Variants in LOXHD1 observed in about 807,000 individuals in gnomAD.
The protein encoded by LOXHD1 is lipoxygenase homology PLAT domains 1, also known as lipoxygenase homology domain-containing protein 1.
Under a neutral mutation model 248.2 loss-of-function variants are expected in LOXHD1, and 205 were observed. The observed-to-expected ratio is 0.83, with a 90% CI of 0.74 to 0.93. LOXHD1 has a LOEUF of 0.93. Among genes scored for constraint, LOXHD1 ranks in the 40% least tolerant of loss-of-function variants. The probability of loss-of-function intolerance (pLI) is 0.00; values close to 1 mark genes in which losing one functional copy is unlikely to be tolerated. For missense variants in LOXHD1, 2,930 were observed against 2,971.6 expected, an observed-to-expected ratio of 0.99 and a Z score of 0.33; for synonymous variants, 1,113 against 1,162.8, an observed-to-expected ratio of 0.96 and a Z score of 0.87.
At chr18:46,596,165 T>TTTTTTTTTTTTTTTGAG (rs2038253723) in intron 8 of LOXHD1, among the ~76,000 whole-genome samples, 1 of 152,034 alleles carries the variant, frequency 6.6e-6, no homozygotes, top group Non-Finnish European at 1.5e-5. Context: ...TCATTATCTT[T>TTTTTTTTTTTTTTTGAG]AAAAATAATT....
chr18:46,494,129 A>G (rs1374462971), intron 37 of LOXHD1, among the ~76,000 whole-genome samples: 1 of 152,114 alleles, frequency 6.6e-6, no homozygotes, highest in Non-Finnish European at 1.5e-5. Flanking sequence ...CTTGGCCATG[A>G]GCACAGACAT....
At chr18:46,575,749 T>G (rs2037841311) in intron 14 of LOXHD1, among the ~76,000 whole-genome samples, 1 of 152,150 alleles carries the variant, frequency 6.6e-6, no homozygotes, top group South Asian at 2.1e-4. Context: ...TTCTGTCATT[T>G]AAGCCACCCA....
intron 8 of LOXHD1, among the ~76,000 whole-genome samples, chr18:46,594,943 T>G (rs1276976898): frequency 6.6e-6 from 1 of 152,304 alleles, no homozygotes; most frequent in East Asian, 1.9e-4. Flanking sequence ...CTCTACCCAG[T>G]TCTGAACCCA....
intron 33 of LOXHD1, chr18:46,520,559 C>T (rs748076390): frequency 2.0e-4 from 61 of 311,800 alleles, no homozygotes; most frequent in Non-Finnish European, 3.1e-4. Flanking sequence ...GAGATGGAGC[C>T]AGGACCGAAG....
chr18:46,591,354 G>A lies in LOXHD1; in HGVS notation c.1654+579C>T, dbSNP rs562249054. On this transcript the variant is annotated intron_variant, in intron 12 of 40. Coordinates refer to ENST00000642948, the MANE Select transcript of LOXHD1 (RefSeq NM_001384474.1). ...TGGGAGAGAATGTTTTGATCACTTAGTAATGTCTGCCATGTGAAAAGGACA... is the reference window on the plus strand; with the variant it reads ...TGGGAGAGAATGTTTTGATCACTTAATAATGTCTGCCATGTGAAAAGGACA... Among the ~76,000 whole-genome samples, 4 of 152,282 alleles carry A rather than the reference G, an allele frequency of 2.6e-5. No homozygotes were observed. The East Asian group carries it at 7.7e-4, about 29-fold the overall frequency.
chr18:46,493,116 G>T (rs1410707884), intron 37 of LOXHD1, among the ~76,000 whole-genome samples: 1 of 152,156 alleles, frequency 6.6e-6, no homozygotes, highest in African/African-American at 2.4e-5. Context: ...CACTTACTCT[G>T]TTCCAACTAC....
chr18:46,542,459 T>G (rs1458018377), intron 24 of LOXHD1, among the ~76,000 whole-genome samples: 1 of 152,190 alleles, frequency 6.6e-6, no homozygotes, highest in Non-Finnish European at 1.5e-5. Context: ...TTTTCATATC[T>G]GGCTGTGCAT....
intron 4 of LOXHD1, among the ~76,000 whole-genome samples, chr18:46,631,412 G>T (rs763189513): frequency 2.0e-5 from 3 of 152,168 alleles, no homozygotes; most frequent in African/African-American, 7.2e-5. Context: ...CTCCCTGCCC[G>T]TGAGATTCCT....
intron 4 of LOXHD1, among the ~76,000 whole-genome samples, chr18:46,636,271 C>A (rs1231021130): frequency 1.3e-5 from 2 of 152,160 alleles, no homozygotes; most frequent in Non-Finnish European, 2.9e-5. Context: ...TAAAGAAGAG[C>A]CTAGAGACGA....
chr18:46,622,940 A>G (rs1054466365), intron 4 of LOXHD1, among the ~76,000 whole-genome samples: 3 of 152,228 alleles, frequency 2.0e-5, no homozygotes, highest in African/African-American at 7.2e-5. Flanking sequence ...AAGTTGGAAG[A>G]GAGGCTAGCA....
chr18:46,519,857 G>A (rs1298982847), intron 33 of LOXHD1, among the ~76,000 whole-genome samples: 1 of 152,182 alleles, frequency 6.6e-6, no homozygotes, highest in East Asian at 1.9e-4. Flanking sequence ...GGTGTCCTGG[G>A]GAGATGGCCA....
intron 23 of LOXHD1, chr18:46,544,836 C>T (rs1056888221): frequency 4.2e-6 from 2 of 471,550 alleles, no homozygotes; most frequent in Admixed American, 2.3e-5. Context: ...GCACTAGGCT[C>T]TGGACCTGCA....
At chr18:46,621,118 G>T (rs571386603) in intron 4 of LOXHD1, among the ~76,000 whole-genome samples, 1 of 152,302 alleles carries the variant, frequency 6.6e-6, no homozygotes, top group South Asian at 2.1e-4. Context: ...TCTAGAACAA[G>T]CAGACTGTCT....
At chr18:46,602,960 T>G (rs1387962745) in intron 7 of LOXHD1, among the ~76,000 whole-genome samples, 1 of 152,176 alleles carries the variant, frequency 6.6e-6, no homozygotes, top group Non-Finnish European at 1.5e-5. Context: ...ATTAATTCTA[T>G]TCGAGTATGT....
chr18:46,649,705 C>A (rs1303162888), intron 1 of LOXHD1, among the ~76,000 whole-genome samples: 2 of 152,158 alleles, frequency 1.3e-5, no homozygotes, highest in Non-Finnish European at 2.9e-5. Context: ...CTCCTGGGCA[C>A]TGACATTTCA....
intron 37 of LOXHD1, among the ~76,000 whole-genome samples, chr18:46,505,338 GC>G (rs1385048691): frequency 1.3e-5 from 2 of 152,016 alleles, no homozygotes; most frequent in Non-Finnish European, 2.9e-5. Context: ...ATGCCACCAT[GC>G]CCAGCTATTC....
At chr18:46,482,924 C>G (rs1006681354) in intron 40 of LOXHD1, among the ~76,000 whole-genome samples, 1 of 152,226 alleles carries the variant, frequency 6.6e-6, no homozygotes, top group African/African-American at 2.4e-5. Flanking sequence ...CCTCCCCTGG[C>G]TCCTTCTCAG....
At position 46,524,480 on chromosome 18, in the gene LOXHD1, A is replaced by C. The variant is rs922619358; in HGVS notation, c.4862T>G (p.Val1621Gly). ...GGTTGGCTTACTTGGGCCCTCTTGA[A>C]CGTAGTCAGCCATGGGCCCGGTCAC... is the stretch of plus-strand genomic sequence containing the variant. ...STVTGPMADY[V>G]QEGPIIPYYV... Residue 1621 changes from valine (V) to glycine (G), a missense_variant, in exon 31 of 41, where the codon GTT (valine) becomes GGT (glycine). Physicochemically the swap from Val to Gly is moderately radical, Grantham distance 109. Transcript: ENST00000642948. 4 of 1,551,242 alleles carry C rather than the reference A, an allele frequency of 2.6e-6. No homozygotes were observed. In the African/African-American group the frequency reaches 5.5e-5, roughly 21 times the overall value.
chr18:46,548,085 G>A (rs9949102), intron 21 of LOXHD1, among the ~76,000 whole-genome samples: 26,329 of 152,158 alleles, frequency 0.17, 2,462 homozygotes, highest in Middle Eastern at 0.24. Context: ...TGCTATTGTC[G>A]CTCTTGTAAT....
Sources: gnomAD v4.1 joint callset for allele counts (sites outside exome capture counted in the v4.1 genomes callset) on GRCh38, gnomAD v4.1.1 for gene constraint, MANE v1.5 for transcripts, NCBI Gene and HGNC (gene_info 2026-07-23, HGNC 2026-07-21) for gene names.